The following VPS35L variants were observed in gnomAD, a reference collection of about 807,000 sequenced individuals.
VPS35L encodes VPS35 endosomal protein sorting factor like.
In VPS35L, 83 loss-of-function variants were observed where a neutral mutation model predicts 133.0. That is an observed-to-expected ratio of 0.62 (90% confidence interval 0.52 to 0.75). The LOEUF is 0.75. VPS35L is among the 30% of genes least tolerant of loss of function. The pLI is 0.00. For missense variants in VPS35L, 1,083 were observed against 1,206.8 expected (o/e 0.90, Z 1.52); for synonymous variants, 423 against 449.9 (o/e 0.94, Z 0.76).
At position 19,601,716 on chromosome 16, in the gene VPS35L, CT is replaced by C; in HGVS notation, c.779del (p.Leu260TyrfsTer19). The C allele has an allele frequency of 6.2e-7, 1 of 1,614,204 alleles. No homozygotes were observed. Among genetic ancestry groups the C allele is most frequent in the Non-Finnish European group, 8.5e-7 (1 of 1,180,036 alleles). The part of the protein sequence containing the change: ...FSMCVDSRSV[L>X]PDHFSPENAN... Reference sequence around the variant, plus strand: ...CCATGTGTGTGGATAGCCGCAGCGTCTTACCAGGTAATGTCGCAGCTGTTCC... The same window carrying C: ...CCATGTGTGTGGATAGCCGCAGCGTCTACCAGGTAATGTCGCAGCTGTTCC... On this transcript the variant is annotated frameshift_variant, in exon 9 of 31. Coordinates refer to ENST00000417362, the MANE Select transcript of VPS35L (RefSeq NM_020314.7). LOFTEE classifies it high-confidence loss of function.
At chr16:19,592,378 C>T (rs772896827) in intron 8 of VPS35L, among the ~76,000 whole-genome samples, 2 of 151,996 alleles carry the variant, frequency 1.3e-5, no homozygotes, top group Non-Finnish European at 2.9e-5. Flanking sequence ...CCATGCCTGG[C>T]CTGTTTTTCC....
At chr16:19,660,799 G>C (rs554959552) in intron 26 of VPS35L, among the ~76,000 whole-genome samples, 2 of 152,132 alleles carry the variant, frequency 1.3e-5, no homozygotes, top group South Asian at 4.1e-4. Context: ...AAATCTTAAT[G>C]ACTTTCACTA....
chr16:19,698,933 T>C (rs1976012302), intron 29 of VPS35L, among the ~76,000 whole-genome samples: 1 of 152,228 alleles, frequency 6.6e-6, no homozygotes, highest in South Asian at 2.1e-4. Flanking sequence ...GGTTAGACTT[T>C]TTTTGGCAAG....
intron 7 of VPS35L, among the ~76,000 whole-genome samples, chr16:19,582,638 G>A (rs72767558): frequency 0.028 from 4,244 of 152,292 alleles, 81 homozygotes; most frequent in Non-Finnish European, 0.042. Context: ...CTTGCTGAGT[G>A]TCTCGAGTGA....
intron 8 of VPS35L, among the ~76,000 whole-genome samples, chr16:19,596,341 C>T (rs1972215012): frequency 6.6e-6 from 1 of 151,606 alleles, no homozygotes; most frequent in Non-Finnish European, 1.5e-5. Context: ...ATGGGGTGAT[C>T]ATGGCTCACT....
chr16:19,696,827 AAC>A (rs1218801396), intron 29 of VPS35L, among the ~76,000 whole-genome samples: 1 of 152,098 alleles, frequency 6.6e-6, no homozygotes, highest in African/African-American at 2.4e-5. Context: ...TGACTTTTAA[AAC>A]AGTTTCTCCC....
At position 19,668,753 on chromosome 16, in the gene VPS35L, G is replaced by A. The variant is rs1202642513; in HGVS notation, c.2222-407G>A. On this transcript the variant is annotated intron_variant, in intron 26 of 30. Transcript: ENST00000417362. ...CTTCATACACAGGACACTGTTGCAG[G>A]ATGAATTGCTTCTCTTTCCTTCCCT... is the stretch of plus-strand genomic sequence containing the variant. 2.0e-5 allele frequency among the ~76,000 whole-genome samples: 3 copies of A among 152,132 alleles called. No individual in the cohort carries two copies. The East Asian group carries it at 5.8e-4, about 29-fold the overall frequency.
chr16:19,676,490 C>T (rs1490588246), intron 27 of VPS35L, among the ~76,000 whole-genome samples: 1 of 152,180 alleles, frequency 6.6e-6, no homozygotes, highest in Admixed American at 6.5e-5. Flanking sequence ...CAAACTGGCT[C>T]ATTTCATGTA....
chr16:19,681,670 G>A (rs1343335579), intron 27 of VPS35L, among the ~76,000 whole-genome samples: 1 of 152,202 alleles, frequency 6.6e-6, no homozygotes. Flanking sequence ...TAAACTCTGT[G>A]ACTGTCTCTC....
At chr16:19,596,475 G>A (rs1295296907) in intron 8 of VPS35L, among the ~76,000 whole-genome samples, 2 of 149,680 alleles carry the variant, frequency 1.3e-5, no homozygotes, top group Non-Finnish European at 3.0e-5. Flanking sequence ...GGATCTCACT[G>A]TGTGGCCCAA....
intron 23 of VPS35L, among the ~76,000 whole-genome samples, chr16:19,646,189 G>T (rs1323874255): frequency 6.6e-6 from 1 of 152,114 alleles, no homozygotes; most frequent in African/African-American, 2.4e-5. Context: ...GATCCACAGT[G>T]GCCTTGTTCC....
At chr16:19,629,427 C>A (rs756238555) in intron 17 of VPS35L, among the ~76,000 whole-genome samples, 1 of 151,922 alleles carries the variant, frequency 6.6e-6, no homozygotes, top group African/African-American at 2.4e-5. Context: ...TTCTCACAGC[C>A]TTAAGATGTG....
chr16:19,681,324 T>C (rs1975268999), intron 27 of VPS35L, among the ~76,000 whole-genome samples: 1 of 152,262 alleles, frequency 6.6e-6, no homozygotes, highest in African/African-American at 2.4e-5. Flanking sequence ...GCTTTGTTCC[T>C]GCAAGCAAGA....
At chr16:19,674,928 T>G (rs1975010654) in intron 27 of VPS35L, among the ~76,000 whole-genome samples, 1 of 151,862 alleles carries the variant, frequency 6.6e-6, no homozygotes, top group Non-Finnish European at 1.5e-5. Flanking sequence ...ATTGTGCATG[T>G]GTATAATGTT....
chr16:19,610,470 A>G (rs778859697), intron 12 of VPS35L, 55 bp downstream of exon 12: 35 of 1,408,720 alleles, frequency 2.5e-5, no homozygotes, highest in Non-Finnish European at 3.5e-5. Context: ...GTCTCCTTGA[A>G]TGTTCACACA....
Position 19,633,285 on chromosome 16 carries a change from A to G in VPS35L, c.1635+113A>G. 1 of 972,832 alleles carries G rather than the reference A, an allele frequency of 1.0e-6. No individual in the cohort carries two copies. The highest frequency in any genetic ancestry group is 1.6e-6 in the Non-Finnish European group (1 of 616,728). The allele number at this position is 972,832 out of a possible 1,614,324, so 60.3% of individuals were successfully genotyped here. ...AGGCACATAATCCTGTGTTTGAATC[A>G]TAGCTCTGCCATATCCTAGCCATGT... On this transcript the variant is annotated intron_variant, in intron 19 of 30. Coordinates refer to ENST00000417362, the MANE Select transcript of VPS35L (RefSeq NM_020314.7). The surrounding 1 kb of genome is among the most constrained non-coding windows in gnomAD (Gnocchi z 4.1).
chr16:19,634,559 A>C (rs1228427037), intron 19 of VPS35L, among the ~76,000 whole-genome samples: 1 of 152,198 alleles, frequency 6.6e-6, no homozygotes, highest in Non-Finnish European at 1.5e-5. Flanking sequence ...CCATTGAGTA[A>C]AATAGGAATC....
In VPS35L at chr16:19,639,934, T is replaced by G. The variant is rs1973735253; in HGVS notation, c.1699-81T>G. 2 of 1,231,252 alleles carry G rather than the reference T, an allele frequency of 1.6e-6. No individual in the cohort carries two copies. Among genetic ancestry groups the G allele is most frequent in the African/African-American group, 3.0e-5 (2 of 66,876 alleles). The allele number at this position is 1,231,252 out of a possible 1,614,324, so 76.3% of individuals were successfully genotyped here. On this transcript the variant is annotated intron_variant, in intron 20 of 30. Coordinates refer to ENST00000417362, the MANE Select transcript of VPS35L (RefSeq NM_020314.7). The surrounding 1 kb of genome is among the most constrained non-coding windows in gnomAD (Gnocchi z 4.1). ...GAACCTCTGTTCTGCTTCTTTGAACTCCACAGAAAAAGAGACCCACAGATT... is the reference window on the plus strand; with the variant it reads ...GAACCTCTGTTCTGCTTCTTTGAACGCCACAGAAAAAGAGACCCACAGATT...
intron 16 of VPS35L, 62 bp from the exon 17 acceptor site, chr16:19,628,563 CTTTTCTTTTCTT>C: frequency 1.2e-6 from 1 of 824,076 alleles, no homozygotes; most frequent in South Asian, 1.8e-5. Flanking sequence ...AACCTTTTCT[CTTTTCTTTTCTT>C]TGAGCTTCAA....
Sources: gnomAD v4.1 joint callset for allele counts (sites outside exome capture counted in the v4.1 genomes callset) on GRCh38, gnomAD v4.1.1 for gene constraint, Gnocchi (gnomAD v3.1) non-coding constraint, MANE v1.5 for transcripts, NCBI Gene and HGNC (gene_info 2026-07-23, HGNC 2026-07-21) for gene names.